Variants in BCAR3 observed in about 807,000 individuals in gnomAD.
BCAR3 encodes breast cancer anti-estrogen resistance protein 3.
A neutral mutation model predicts 80.1 loss-of-function variants in BCAR3; 37 were observed. That is an observed-to-expected ratio of 0.46 (90% CI 0.36 to 0.61). The LOEUF (loss-of-function observed/expected upper bound fraction) is 0.61. Among genes scored for constraint, BCAR3 ranks in the 20% least tolerant of loss-of-function variants. BCAR3 has a pLI of 0.00. For missense variants in BCAR3, 978 were observed against 1,068.2 expected (o/e 0.92, Z 1.18); for synonymous variants, 389 against 418.9 (o/e 0.93, Z 0.87).
intron 3 of BCAR3, among the ~76,000 whole-genome samples, chr1:93,611,459 G>A (rs541268747): frequency 3.3e-5 from 5 of 152,118 alleles, no homozygotes; most frequent in African/African-American, 7.2e-5. Flanking sequence ...AAACACTTTC[G>A]TCTTTTTTCC....
At chr1:93,581,813 A>G (rs1673721235) in intron 7 of BCAR3, among the ~76,000 whole-genome samples, 2 of 152,286 alleles carry the variant, frequency 1.3e-5, no homozygotes. Context: ...TATGTAATGC[A>G]TAAGTATAAT....
At chr1:93,744,194 A>T (rs1651276988) in intron 2 of BCAR3, among the ~76,000 whole-genome samples, 1 of 152,212 alleles carries the variant, frequency 6.6e-6, no homozygotes, top group Admixed American at 6.5e-5. Flanking sequence ...TCAGAGCATG[A>T]TGAGAGTCTT....
intron 2 of BCAR3, among the ~76,000 whole-genome samples, chr1:93,658,282 T>C (rs532542804): frequency 2.0e-5 from 3 of 152,158 alleles, no homozygotes; most frequent in South Asian, 4.2e-4. Context: ...TCTTAGCCAG[T>C]ACAGTTAAAT....
intron 3 of BCAR3, among the ~76,000 whole-genome samples, chr1:93,701,558 T>C (rs1312871410): frequency 6.6e-6 from 1 of 152,116 alleles, no homozygotes; most frequent in Non-Finnish European, 1.5e-5. Flanking sequence ...TTATAAAAAG[T>C]GGAAACAAAA....
In BCAR3 at chr1:93,726,512, T is replaced by C. The variant is rs138722445; in HGVS notation, c.-62-20370A>G. 9.6e-3 allele frequency among the ~76,000 whole-genome samples: 1,465 copies of C among 152,364 alleles called. 12 individuals are homozygous for C. Among genetic ancestry groups the C allele is most frequent in the Middle Eastern group, 0.02 (6 of 294 alleles). On this transcript the variant is annotated intron_variant, in intron 2 of 13. Transcript: ENST00000370244. ...AATTAATTATTTTAGGGAAAGCTGA[T>C]GTAATTGTGATAGGGAGTTTTCCTG...
At chr1:93,847,896 A>AGCGGCG (rs533240277), upstream of BCAR3, 102 of 242,304 alleles carry the variant, frequency 4.2e-4, 3 homozygotes, top group South Asian at 1.2e-3. Context: ...TCCTGAGAAG[A>AGCGGCG]GCGGCGGCGG....
At chr1:93,699,584 C>T (rs909057177) in intron 3 of BCAR3, among the ~76,000 whole-genome samples, 1 of 152,080 alleles carries the variant, frequency 6.6e-6, no homozygotes, top group African/African-American at 2.4e-5. Context: ...CTCCCGGCCC[C>T]ATGTCTTGTT....
rs546929033 is a variant in BCAR3 at position 93,819,744 on chromosome 1, GTTAT to G, written c.-63+25819_-63+25822del. ...TGCCAGATTTATTTATATATTTCCA[GTTAT>G]TTATTTATTTATTTTTCTTTCCAAC... On this transcript the variant is annotated intron_variant, in intron 2 of 13. Coordinates refer to the BCAR3 transcript ENST00000370244. Among the ~76,000 whole-genome samples, 18 of 152,196 alleles carry G rather than the reference GTTAT, an allele frequency of 1.2e-4. No individual in the cohort carries two copies. The South Asian group carries it at 2.9e-3, about 25-fold the overall frequency.
At position 93,615,004 on chromosome 1, in the gene BCAR3, CTTT is replaced by C. The variant is rs912095250; in HGVS notation, c.358-22614_358-22612del. ...AGTTATAGCGGATGCTCAACGAGTT[CTTT>C]TTTTTTTTTTTTTTTTTTAATCAAA... On this transcript the variant is annotated intron_variant, in intron 3 of 11. Transcript: ENST00000260502. Among the ~76,000 whole-genome samples the C allele has an allele frequency of 8.1e-4, 99 of 121,980 alleles. 1 individual carries two copies. The highest frequency in any genetic ancestry group is 2.8e-3 in the African/African-American group (92 of 33,042). The allele number at this position is 121,980 out of a possible 152,430, so 80.0% of individuals were successfully genotyped here.
intron 9 of BCAR3, chr1:93,568,113 G>A: frequency 2.9e-6 from 1 of 344,398 alleles, no homozygotes; most frequent in East Asian, 6.8e-5. Flanking sequence ...TTGAACCTGG[G>A]AGGCGGAGGT....
intron 3 of BCAR3, among the ~76,000 whole-genome samples, chr1:93,596,947 C>T (rs1267184807): frequency 1.3e-5 from 2 of 152,192 alleles, no homozygotes; most frequent in African/African-American, 2.4e-5. Context: ...GGATCAAGAA[C>T]ATTGTGCCCA....
chr1:93,683,876 G>C (rs1648885831), upstream of BCAR3, among the ~76,000 whole-genome samples: 1 of 152,090 alleles, frequency 6.6e-6, no homozygotes, highest in Admixed American at 6.5e-5. Context: ...CTGTCCTTCA[G>C]TTTATAAAAA....
intron 9 of BCAR3, among the ~76,000 whole-genome samples, chr1:93,569,483 C>T (rs796598195): frequency 2.6e-5 from 4 of 152,378 alleles, no homozygotes; most frequent in African/African-American, 7.2e-5. Context: ...ACACCCACTC[C>T]CTGAGGCATT....
At chr1:93,584,951 A>T (rs1232111946) in intron 5 of BCAR3, 1 of 972,360 alleles carries the variant, frequency 1.0e-6, no homozygotes, top group Non-Finnish European at 1.2e-6. Context: ...ATGTTACAGA[A>T]ATCACGAAGT....
chr1:93,712,963 A>G (rs1472676722), intron 2 of BCAR3, among the ~76,000 whole-genome samples: 1 of 152,158 alleles, frequency 6.6e-6, no homozygotes, highest in African/African-American at 2.4e-5. Context: ...ATTTTCTTCA[A>G]AATTACCACC....
chr1:93,576,249 T>A, intron 7 of BCAR3, 120 bp from the exon 8 acceptor site: 2 of 719,732 alleles, frequency 2.8e-6, no homozygotes, highest in Non-Finnish European at 4.9e-6. Context: ...TGAGTTACAT[T>A]TCTTTATAAG....
chr1:93,697,835 A>G lies in BCAR3; in HGVS notation c.-12+8257T>C, dbSNP rs1649473040. 2.0e-5 allele frequency among the ~76,000 whole-genome samples: 3 copies of G among 152,192 alleles called. No homozygotes were observed. The South Asian group carries it at 6.2e-4, about 32-fold the overall frequency. ...CTCTACTAAAAACACAAAATTAGCC[A>G]GGCATGGTGGCGCATGCCTGTAATC... On this transcript the variant is annotated intron_variant, in intron 3 of 13. Transcript: ENST00000370244.
intron 2 of BCAR3, among the ~76,000 whole-genome samples, chr1:93,645,667 T>C (rs911884327): frequency 6.6e-6 from 1 of 151,684 alleles, no homozygotes; most frequent in Non-Finnish European, 1.5e-5. Context: ...TATATATATG[T>C]ATCCATGTAT....
chr1:93,810,588 C>T (rs12142384), intron 2 of BCAR3, among the ~76,000 whole-genome samples: 21,460 of 152,096 alleles, frequency 0.14, 2,463 homozygotes, highest in African/African-American at 0.31. Context: ...TCCATGCATG[C>T]CAAGGCCCAC....
Sources: gnomAD v4.1 joint callset for allele counts (sites outside exome capture counted in the v4.1 genomes callset) on GRCh38, gnomAD v4.1.1 for gene constraint, MANE v1.5 for transcripts, NCBI Gene and HGNC (gene_info 2026-07-23, HGNC 2026-07-21) for gene names.